The following PDE4C variants were observed in gnomAD, a reference collection of about 807,000 sequenced individuals.
PDE4C encodes the protein phosphodiesterase 4C.
PDE4C carries 50 observed loss-of-function variants against 63.9 expected under a neutral mutation model. The ratio of observed to expected loss-of-function variants is 0.78; its 90% CI spans 0.62 to 0.99. The LOEUF (loss-of-function observed/expected upper bound fraction) is 0.99. Ranked by LOEUF, PDE4C falls within the 50% of genes least tolerant of loss-of-function variation. The probability of loss-of-function intolerance (pLI) is 0.00; values close to 1 mark genes in which losing one functional copy is unlikely to be tolerated. For synonymous variants in PDE4C, 377 were observed against 385.1 expected (o/e 0.98, Z 0.25); for missense variants, 777 against 899.1 (o/e 0.86, Z 1.74).
At chr19:18,231,018 A>G (rs1238203530), upstream of PDE4C, among the ~76,000 whole-genome samples, 4 of 152,208 alleles carry the variant, frequency 2.6e-5, no homozygotes, top group Admixed American at 1.3e-4. Context: ...AAGAGCCACA[A>G]GCTGGGGACC....
rs953418371 is a variant in PDE4C, at chr19:18,220,023, C to A, written c.706+203G>T. Among the ~76,000 whole-genome samples, 4 of 152,070 alleles carry A rather than the reference C, an allele frequency of 2.6e-5. No homozygotes were observed. Among genetic ancestry groups the A allele is most frequent in the Non-Finnish European group, 2.9e-5 (2 of 68,008 alleles). On this transcript the variant is annotated intron_variant, in intron 7 of 14. Transcript: ENST00000262805. The surrounding 1 kb of genome is among the most constrained non-coding windows in gnomAD (Gnocchi z 5.1). ...ATCTCCTCCTAGGCAAATTTCTACT[C>A]ATGCTTCAAAACCGTAGCTTTAATG...
chr19:18,237,302 AG>A (rs1255535569), upstream of PDE4C, among the ~76,000 whole-genome samples: 1 of 152,154 alleles, frequency 6.6e-6, no homozygotes, highest in Non-Finnish European at 1.5e-5. Context: ...CTGTAATCCC[AG>A]CACTTTGGGA....
upstream of PDE4C, among the ~76,000 whole-genome samples, chr19:18,231,062 CCT>C (rs965905348): frequency 6.6e-6 from 1 of 152,222 alleles, no homozygotes; most frequent in Admixed American, 6.5e-5. Context: ...AGAATATTCA[CCT>C]CTCTGATGAG....
chr19:18,230,187 C>G (rs1038493071), upstream of PDE4C, among the ~76,000 whole-genome samples: 1 of 152,192 alleles, frequency 6.6e-6, no homozygotes, highest in Non-Finnish European at 1.5e-5. Context: ...TCCCTCAGTA[C>G]TTGGCACTTA....
At chr19:18,225,937 G>A (rs1968700515) in intron 1 of PDE4C, among the ~76,000 whole-genome samples, 1 of 152,234 alleles carries the variant, frequency 6.6e-6, no homozygotes, top group Non-Finnish European at 1.5e-5. Context: ...GCCCCAGGCC[G>A]GCGAGGGTCA....
chr19:18,248,597 A>AG (rs1036057276), upstream of PDE4C, among the ~76,000 whole-genome samples: 2 of 151,728 alleles, frequency 1.3e-5, no homozygotes, highest in African/African-American at 4.8e-5. Flanking sequence ...AGCTCTGGGA[A>AG]GGGGGGGATT....
At chr19:18,239,537 C>T (rs1437542248) in intron 1 of PDE4C, among the ~76,000 whole-genome samples, 1 of 152,194 alleles carries the variant, frequency 6.6e-6, no homozygotes, top group Non-Finnish European at 1.5e-5. Flanking sequence ...GCGCCAGACA[C>T]AGGCTGTGTG....
In PDE4C at chr19:18,223,667, G is replaced by A. The variant is rs569322626; in HGVS notation, c.147-1344C>T. 2.6e-5 allele frequency among the ~76,000 whole-genome samples: 4 copies of A among 152,346 alleles called. No individual in the cohort carries two copies. In the East Asian group the frequency reaches 5.8e-4, roughly 22 times the overall value. On this transcript the variant is annotated intron_variant, in intron 1 of 14. Coordinates refer to ENST00000262805, the Ensembl canonical transcript of PDE4C. ...CCTCTCCTGTTTCTAACATGTGCGT[G>A]ATGTAGCCCATCCCCGAGAGCTCTT...
chr19:18,230,547 C>T (rs111916352), upstream of PDE4C, among the ~76,000 whole-genome samples: 546 of 152,186 alleles, frequency 3.6e-3, 6 homozygotes, highest in African/African-American at 0.013. Context: ...AAACAGAGAG[C>T]CTCTCCTTCC....
intron 4 of PDE4C, 53 bp downstream of exon 4, chr19:18,221,052 G>GCCAGGGGCCCCCC: frequency 8.0e-7 from 1 of 1,245,310 alleles, no homozygotes; most frequent in Non-Finnish European, 1.1e-6. Flanking sequence ...CCCGCTTTCC[G>GCCAGGGGCCCCCC]CCCACCTTGT....
chr19:18,228,185 G>A (rs1017974711), upstream of PDE4C, among the ~76,000 whole-genome samples: 3 of 151,932 alleles, frequency 2.0e-5, no homozygotes, highest in South Asian at 2.1e-4. Context: ...CCACCTCCCC[G>A]CCACTGTGAG....
rs935162157 is a variant in PDE4C at position 18,218,237 on chromosome 19, T to C, written c.1146A>G (p.Thr382=). 16 of 1,614,086 alleles carry C rather than the reference T, an allele frequency of 9.9e-6. No homozygotes were observed. The African/African-American group carries it at 2.1e-4, about 22-fold the overall frequency. The change falls in exon 11 of 15, where the codon ACA becomes ACG. Residue 382 remains threonine, a synonymous_variant. Transcript: ENST00000262805. ...AGAGGGCAGCCAGGATTTCCAAGTC[T>C]GTGAACACAGCCTGAGCAGGCAGAG... is the stretch of plus-strand genomic sequence containing the variant.
exon 1 of PDE4C, chr19:18,233,285 C>T (rs1359589543): frequency 1.3e-6 from 2 of 1,517,518 alleles, no homozygotes; most frequent in East Asian, 2.4e-5. Context: ...GGCCCAGGGC[C>T]GGGAGTGGAG....
chr19:18,219,261 C>G (rs750144234), exon 8 of PDE4C: 2 of 1,614,210 alleles, frequency 1.2e-6, no homozygotes, highest in Non-Finnish European at 1.7e-6. Flanking sequence ...CCTGGTCAGT[C>G]TGGACCCCAA....
intron 12 of PDE4C, among the ~76,000 whole-genome samples, chr19:18,215,798 C>G (rs1968165644): frequency 6.6e-6 from 1 of 151,608 alleles, no homozygotes; most frequent in Non-Finnish European, 1.5e-5. Flanking sequence ...CAGGCCTGAG[C>G]CACCGTGCCT....
intron 8 of PDE4C, 54 bp from the exon 9 acceptor site, chr19:18,219,092 C>T (rs1429172323): frequency 1.9e-6 from 3 of 1,579,938 alleles, no homozygotes; most frequent in East Asian, 4.5e-5. Context: ...TCCCCAGACT[C>T]TAGAGCCTCC....
chr19:18,251,136 T>C (rs200624195), upstream of PDE4C, among the ~76,000 whole-genome samples: 1,253 of 130,418 alleles, frequency 9.6e-3, 36 homozygotes, highest in Admixed American at 0.064. Flanking sequence ...GTCTTTTTTT[T>C]CCCCCCCGAG....
upstream of PDE4C, among the ~76,000 whole-genome samples, chr19:18,227,141 C>T (rs1167828887): frequency 6.6e-6 from 1 of 152,180 alleles, no homozygotes; most frequent in Non-Finnish European, 1.5e-5. Context: ...TGTTTCTAAT[C>T]CTCCTCTGCC....
upstream of PDE4C, among the ~76,000 whole-genome samples, chr19:18,237,961 G>T (rs1236047822): frequency 6.6e-6 from 1 of 151,968 alleles, no homozygotes; most frequent in Admixed American, 6.6e-5. Context: ...GCTCAGTAGG[G>T]CACGGTGGCT....
Sources: allele counts gnomAD v4.1 joint callset (sites outside exome capture counted in the v4.1 genomes callset), GRCh38; gene constraint gnomAD v4.1.1; non-coding constraint Gnocchi (gnomAD v3.1); transcripts MANE v1.5; gene names NCBI Gene and HGNC (gene_info 2026-07-23, HGNC 2026-07-21).